The following SPMIP11 variants were observed in gnomAD, a reference collection of about 807,000 sequenced individuals.
The protein encoded by SPMIP11 is sperm microtubule inner protein 11.
chr12:48,732,973 G>A, the SPMIP11 span, among the ~76,000 whole-genome samples: 8 of 139,420 alleles, frequency 5.7e-5, no homozygotes, highest in African/African-American at 1.1e-4. Context: ...GTGGTGAGCC[G>A]AGACCGTGCC....
chr12:48,741,303 A>G, the SPMIP11 span, among the ~76,000 whole-genome samples: 1 of 151,900 alleles, frequency 6.6e-6, no homozygotes, highest in Non-Finnish European at 1.5e-5. Context: ...CACCCACCAC[A>G]GCCTCCCAAA....
At chr12:48,730,804 G>A in the SPMIP11 span, among the ~76,000 whole-genome samples, 2 of 152,282 alleles carry the variant, frequency 1.3e-5, no homozygotes, top group African/African-American at 4.8e-5. Flanking sequence ...CAGGCGTAGT[G>A]GCACATGCCT....
the SPMIP11 span, among the ~76,000 whole-genome samples, chr12:48,745,731 T>A: frequency 0.69 from 104,175 of 152,076 alleles, 36,037 homozygotes; most frequent in East Asian, 0.97. Context: ...TAAGCCCAGA[T>A]GCCTAAAAGA....
the SPMIP11 span, among the ~76,000 whole-genome samples, chr12:48,738,514 G>A: frequency 6.6e-6 from 1 of 150,846 alleles, no homozygotes; most frequent in African/African-American, 2.4e-5. Context: ...TTCTTATATG[G>A]CACCTAACTT....
At chr12:48,730,708 C>G in the SPMIP11 span, among the ~76,000 whole-genome samples, 4 of 151,416 alleles carry the variant, frequency 2.6e-5, no homozygotes, top group African/African-American at 9.7e-5. Flanking sequence ...GAGGCCGAGG[C>G]GGGTGGATCA....
At chr12:48,727,505 T>C in the SPMIP11 span, 3 of 702,774 alleles carry the variant, frequency 4.3e-6, no homozygotes, top group South Asian at 3.0e-5. Context: ...CTTGTATCTA[T>C]TGGGATATCA....
the SPMIP11 span, among the ~76,000 whole-genome samples, chr12:48,770,321 G>A: frequency 1.3e-5 from 2 of 152,086 alleles, no homozygotes; most frequent in East Asian, 1.9e-4. Flanking sequence ...AAATGGAGCA[G>A]CCAGAATTCA....
At chr12:48,744,442 C>T in the SPMIP11 span, among the ~76,000 whole-genome samples, 1 of 151,860 alleles carries the variant, frequency 6.6e-6, no homozygotes, top group Non-Finnish European at 1.5e-5. Flanking sequence ...CTTGTGGGCA[C>T]TTGTGGGCTG....
At chr12:48,764,929 G>A in the SPMIP11 span, 162 of 702,798 alleles carry the variant, frequency 2.3e-4, no homozygotes, top group Admixed American at 3.0e-4. Context: ...CCAGGAGTGC[G>A]TCCAGAGGAA....
chr12:48,765,847 C>A, the SPMIP11 span: 1 of 577,308 alleles, frequency 1.7e-6, no homozygotes, highest in Non-Finnish European at 3.1e-6. Context: ...TTCCAGTGTC[C>A]AGATTGTTGT....
the SPMIP11 span, among the ~76,000 whole-genome samples, chr12:48,734,273 C>A: frequency 6.6e-6 from 1 of 151,610 alleles, no homozygotes; most frequent in Non-Finnish European, 1.5e-5. Context: ...AAGCAGAGCC[C>A]CACCCTGCTA....
the SPMIP11 span, among the ~76,000 whole-genome samples, chr12:48,754,218 T>C: frequency 6.6e-6 from 1 of 151,970 alleles, no homozygotes; most frequent in African/African-American, 2.4e-5. Context: ...TTGGGCAACA[T>C]AGCAAGACCC....
At chr12:48,735,780 A>G in the SPMIP11 span, among the ~76,000 whole-genome samples, 1 of 152,060 alleles carries the variant, frequency 6.6e-6, no homozygotes, top group East Asian at 1.9e-4. Flanking sequence ...GCTACTTGGG[A>G]GGCTGAGGCA....
At chr12:48,735,085 A>T in the SPMIP11 span, among the ~76,000 whole-genome samples, 6 of 150,998 alleles carry the variant, frequency 4.0e-5, no homozygotes, top group East Asian at 1.2e-3. Context: ...GGCCTTTAGG[A>T]GCTGAGAGTG....
chr12:48,752,133 C>T, the SPMIP11 span, among the ~76,000 whole-genome samples: 1 of 150,532 alleles, frequency 6.6e-6, no homozygotes, highest in Non-Finnish European at 1.5e-5. Context: ...ATGTATGTAA[C>T]GTACCTAAGA....
chr12:48,764,241 G>A, the SPMIP11 span, among the ~76,000 whole-genome samples: 9 of 151,842 alleles, frequency 5.9e-5, no homozygotes, highest in Non-Finnish European at 7.4e-5. Context: ...TGCCTGCCTC[G>A]GCCTCCCAAA....
chr12:48,769,079 G>C, the SPMIP11 span: 1 of 1,600,688 alleles, frequency 6.2e-7, no homozygotes, highest in East Asian at 2.2e-5. Context: ...GGAGAGAACA[G>C]CAAGAGACTA....
chr12:48,770,280 A>G, the SPMIP11 span, among the ~76,000 whole-genome samples: 1 of 152,152 alleles, frequency 6.6e-6, no homozygotes, highest in Non-Finnish European at 1.5e-5. Context: ...TGAAGCTTAG[A>G]GAAGTTAGAA....
chr12:48,746,343 T>C, the SPMIP11 span, among the ~76,000 whole-genome samples: 1 of 147,476 alleles, frequency 6.8e-6, no homozygotes, highest in Non-Finnish European at 1.5e-5. Flanking sequence ...ACACCTGTAA[T>C]CCAAGCACTA....
Sources: allele counts gnomAD v4.1 joint callset (sites outside exome capture counted in the v4.1 genomes callset), GRCh38; gene constraint gnomAD v4.1.1; transcripts MANE v1.5; gene names NCBI Gene and HGNC (gene_info 2026-07-23, HGNC 2026-07-21).